The following TENM2 variants were observed in gnomAD, a reference collection of about 807,000 sequenced individuals.
TENM2 encodes the protein teneurin-2.
TENM2 carries 52 observed loss-of-function variants against 245.2 expected under a neutral mutation model. That is an observed-to-expected ratio of 0.21 (90% CI 0.17 to 0.27). The LOEUF (loss-of-function observed/expected upper bound fraction) is 0.27, where lower values mean the gene tolerates loss of function less well. TENM2 is among the 10% of genes least tolerant of loss of function. The pLI, the probability that TENM2 is intolerant of heterozygous loss-of-function variation, is 1.00. For missense variants in TENM2, 3,046 were observed against 3,666.8 expected (o/e 0.83, Z 4.37); for synonymous variants, 1,363 against 1,438.9 (o/e 0.95, Z 1.19).
the TENM2 span, among the ~76,000 whole-genome samples, chr5:167,134,632 CTT>C: frequency 6.6e-6 from 1 of 152,118 alleles, no homozygotes; most frequent in South Asian, 2.1e-4. Context: ...TGCATATTTC[CTT>C]TATTTAGAAG....
At chr5:167,207,281 A>G in the TENM2 span, among the ~76,000 whole-genome samples, 1 of 152,220 alleles carries the variant, frequency 6.6e-6, no homozygotes, top group Non-Finnish European at 1.5e-5. Flanking sequence ...TAAGGAGGCC[A>G]TACACACATG....
intron 2 of TENM2, among the ~76,000 whole-genome samples, chr5:167,700,152 C>T (rs1758044453): frequency 6.6e-6 from 1 of 152,072 alleles, no homozygotes; most frequent in Non-Finnish European, 1.5e-5. Context: ...TTAAAGAGTA[C>T]CTGACTCAAA....
chr5:167,541,074 T>A (rs1772178058), intron 2 of TENM2, among the ~76,000 whole-genome samples: 1 of 152,196 alleles, frequency 6.6e-6, no homozygotes, highest in African/African-American at 2.4e-5. Flanking sequence ...GGATAGGTAC[T>A]AAACTAAAAT....
chr5:167,822,320 G>A (rs1767599965), intron 2 of TENM2, among the ~76,000 whole-genome samples: 1 of 152,044 alleles, frequency 6.6e-6, no homozygotes, highest in African/African-American at 2.4e-5. Context: ...GCAAAAACTG[G>A]GTCGCTTGTT....
chr5:167,179,907 G>A, the TENM2 span, among the ~76,000 whole-genome samples: 1 of 152,220 alleles, frequency 6.6e-6, no homozygotes, highest in South Asian at 2.1e-4. Flanking sequence ...TTCCTTCCTA[G>A]TTGGGAGAAT....
At chr5:167,644,948 C>T (rs570370442) in intron 2 of TENM2, among the ~76,000 whole-genome samples, 4 of 152,146 alleles carry the variant, frequency 2.6e-5, no homozygotes, top group Admixed American at 6.5e-5. Flanking sequence ...CTACTACACA[C>T]CTAGGCTGTA....
intron 2 of TENM2, among the ~76,000 whole-genome samples, chr5:167,871,114 A>G (rs1772790139): frequency 6.6e-6 from 1 of 152,128 alleles, no homozygotes; most frequent in Non-Finnish European, 1.5e-5. Flanking sequence ...AAAGAGCAAA[A>G]TGGTTCTGTA....
At chr5:168,066,192 C>G (rs1486853531) in intron 7 of TENM2, among the ~76,000 whole-genome samples, 2 of 152,216 alleles carry the variant, frequency 1.3e-5, no homozygotes, top group Non-Finnish European at 2.9e-5. Context: ...TATGAAACTT[C>G]TACTATGAGG....
At chr5:167,353,700 G>A (rs1424812874) in intron 1 of TENM2, among the ~76,000 whole-genome samples, 1 of 151,536 alleles carries the variant, frequency 6.6e-6, no homozygotes, top group African/African-American at 2.4e-5. Context: ...GTAGAGACGG[G>A]GTTTCACCGT....
the TENM2 span, among the ~76,000 whole-genome samples, chr5:167,231,541 A>G: frequency 6.6e-6 from 1 of 152,216 alleles, no homozygotes; most frequent in African/African-American, 2.4e-5. Flanking sequence ...GATTTAGGGT[A>G]TCTGGCAGAA....
chr5:168,095,351 A>G (rs1156827858), intron 8 of TENM2, among the ~76,000 whole-genome samples: 1 of 152,136 alleles, frequency 6.6e-6, no homozygotes, highest in Non-Finnish European at 1.5e-5. Context: ...CATTGGATTC[A>G]GTTCCTCTCT....
chr5:167,052,230 A>G, the TENM2 span, among the ~76,000 whole-genome samples: 1 of 152,160 alleles, frequency 6.6e-6, no homozygotes. Flanking sequence ...ATATAATTGC[A>G]CTAACATTTA....
At position 167,375,621 on chromosome 5, in the gene TENM2, A is replaced by G. The variant is rs1055713834; in HGVS notation, c.502+148A>G. The G allele has an allele frequency of 1.3e-5, 10 of 789,950 alleles. No homozygotes were observed. The South Asian group carries it at 1.7e-4, about 14-fold the overall frequency. The allele number at this position is 789,950 out of a possible 1,614,324, so 48.9% of individuals were successfully genotyped here. ...GTCTACCCAGTGTGAGCTGGGGGGAAGTAAACCAGCAACCCTCCAGCACAC... is the reference window on the plus strand; with the variant it reads ...GTCTACCCAGTGTGAGCTGGGGGGAGGTAAACCAGCAACCCTCCAGCACAC... On this transcript the variant is annotated intron_variant, in intron 2 of 28. Transcript: ENST00000518659.
chr5:166,979,194 C>CAG, the TENM2 span, among the ~76,000 whole-genome samples: 1,886 of 142,098 alleles, frequency 0.013, 54 homozygotes, highest in African/African-American at 0.05. Flanking sequence ...AGCACCACCA[C>CAG]CAGCAGCAGC....
intron 1 of TENM2, among the ~76,000 whole-genome samples, chr5:167,355,228 C>T (rs1200812948): frequency 1.3e-5 from 2 of 152,104 alleles, no homozygotes; most frequent in Non-Finnish European, 2.9e-5. Flanking sequence ...AGTATAATGG[C>T]AACTATTCTT....
intron 3 of TENM2, among the ~76,000 whole-genome samples, chr5:167,919,066 C>T (rs994475965): frequency 5.3e-5 from 8 of 152,170 alleles, no homozygotes; most frequent in African/African-American, 1.7e-4. Flanking sequence ...TGTGCAATCT[C>T]TATTTCTTGC....
chr5:167,815,581 G>C (rs1334433213), intron 2 of TENM2, among the ~76,000 whole-genome samples: 2 of 152,130 alleles, frequency 1.3e-5, no homozygotes, highest in Non-Finnish European at 2.9e-5. Context: ...GAACACTTCT[G>C]GGGAATGGCT....
chr5:167,515,296 T>C (rs1216335661), intron 2 of TENM2, among the ~76,000 whole-genome samples: 2 of 152,150 alleles, frequency 1.3e-5, no homozygotes, highest in Non-Finnish European at 2.9e-5. Context: ...CTACAGCATG[T>C]AGACTGCAAG....
chr5:167,086,303 A>G, the TENM2 span, among the ~76,000 whole-genome samples: 4 of 152,166 alleles, frequency 2.6e-5, no homozygotes, highest in East Asian at 5.8e-4. Context: ...CTGGTTTCTG[A>G]CTTTCAAAAT....
Sources: allele counts gnomAD v4.1 joint callset (sites outside exome capture counted in the v4.1 genomes callset), GRCh38; gene constraint gnomAD v4.1.1; transcripts MANE v1.5; gene names NCBI Gene and HGNC (gene_info 2026-07-23, HGNC 2026-07-21).